Variants in PCDHGA9 observed in about 807,000 individuals in gnomAD.
PCDHGA9 encodes protocadherin gamma-A9.
A neutral mutation model predicts 62.5 loss-of-function variants in PCDHGA9; 37 were observed. The ratio of observed to expected loss-of-function variants is 0.59; its 90% CI spans 0.46 to 0.78. The LOEUF (loss-of-function observed/expected upper bound fraction) is 0.78. Among genes scored for constraint, PCDHGA9 ranks in the 30% least tolerant of loss-of-function variants. The pLI is 0.00. For missense variants in PCDHGA9, 1,138 were observed against 1,166.2 expected (o/e 0.98, Z 0.35); for synonymous variants, 459 against 484.6 (o/e 0.95, Z 0.69).
At chr5:141,446,822 A>G (rs976227044) in intron 1 of PCDHGA9, among the ~76,000 whole-genome samples, 1 of 152,206 alleles carries the variant, frequency 6.6e-6, no homozygotes, top group African/African-American at 2.4e-5. Flanking sequence ...TCAGATGGGT[A>G]GATCCTTATA....
Position 141,491,574 on chromosome 5 carries a change from T to G in PCDHGA9, c.2425-3233T>G. Reference sequence around the variant, plus strand: ...AGAGCCACTGCTACAGGACGTGCTTTTCACCGGCCTCGGACGGCAGTGACT... The same window carrying G: ...AGAGCCACTGCTACAGGACGTGCTTGTCACCGGCCTCGGACGGCAGTGACT... On this transcript the variant is annotated intron_variant, in intron 1 of 3. Transcript: ENST00000573521. This position sits in a 1 kb window ranked among gnomAD's most constrained non-coding sequence, Gnocchi z 6.9. The G allele has an allele frequency of 6.2e-7, 1 of 1,613,956 alleles. No homozygotes were observed. Among genetic ancestry groups the G allele is most frequent in the Non-Finnish European group, 8.5e-7 (1 of 1,180,032 alleles).
intron 1 of PCDHGA9, chr5:141,478,531 C>A (rs771145308): frequency 8.1e-6 from 13 of 1,608,072 alleles, no homozygotes; most frequent in Admixed American, 5.1e-5. Context: ...GTGCAGAGAG[C>A]GCCCCTCCCG....
In PCDHGA9 at chr5:141,486,661, G is replaced by T. The variant is rs373446844; in HGVS notation, c.2425-8146G>T. ...CGCTTATCTCCTACTCACTCCTGGA[G>T]CCCAGGAATCGAGATGTATCAGCTT... is the stretch of plus-strand genomic sequence containing the variant. On this transcript the variant is annotated intron_variant, in intron 1 of 3. Transcript: ENST00000573521. The surrounding 1 kb of genome is among the most constrained non-coding windows in gnomAD (Gnocchi z 5.0). 6.2e-6 allele frequency: 10 copies of T among 1,613,836 alleles called. No individual in the cohort carries two copies. Among genetic ancestry groups the T allele is most frequent in the African/African-American group, 4.0e-5 (3 of 74,918 alleles).
rs767108870 is a variant in PCDHGA9 at position 141,485,169 on chromosome 5, C to T, written c.2425-9638C>T. On this transcript the variant is annotated intron_variant, in intron 1 of 3. Transcript: ENST00000573521. This position sits in a 1 kb window ranked among gnomAD's most constrained non-coding sequence, Gnocchi z 5.7. ...GAGCAAGTAGAGAATTAGCGGGCGG[C>T]AGCAATGCTCCGCAAGGTGAGAAGC... The T allele has an allele frequency of 6.2e-7, 1 of 1,608,524 alleles. No homozygotes were observed. Among genetic ancestry groups the T allele is most frequent in the South Asian group, 1.1e-5 (1 of 90,730 alleles).
chr5:141,486,673 A>G lies in PCDHGA9; in HGVS notation c.2425-8134A>G. On this transcript the variant is annotated intron_variant, in intron 1 of 3. Transcript: ENST00000573521. The surrounding 1 kb of genome is among the most constrained non-coding windows in gnomAD (Gnocchi z 5.0). ...ACTCACTCCTGGAGCCCAGGAATCG[A>G]GATGTATCAGCTTCCTCTTTCATCT... The G allele has an allele frequency of 6.2e-7, 1 of 1,614,014 alleles. No homozygotes were observed. The highest frequency in any genetic ancestry group is 2.2e-5 in the East Asian group (1 of 44,866).
At chr5:141,468,737 G>A (rs1288031024) in intron 1 of PCDHGA9, among the ~76,000 whole-genome samples, 1 of 151,948 alleles carries the variant, frequency 6.6e-6, no homozygotes, top group African/African-American at 2.4e-5. Context: ...GTGGTGGCGG[G>A]TGCCTGTAGT....
Position 141,404,230 on chromosome 5 carries a change from C to T in PCDHGA9, c.1278C>T (p.Asp426=). The T allele has an allele frequency of 6.2e-7, 1 of 1,613,836 alleles. No individual in the cohort carries two copies. The highest frequency in any genetic ancestry group is 8.5e-7 in the Non-Finnish European group (1 of 1,179,818). The stretch of plus-strand genomic sequence containing the variant: ...ATAATATCACGGTGACTGCAACAGA[C>T]AGAGGAACTCCGCCCCTGTCCACAG... The part of the protein sequence containing the change: ...SEYNITVTAT[D]RGTPPLSTEI... The change falls in exon 1 of 4, where the codon GAC becomes GAT. Residue 426 remains aspartate, a synonymous_variant. Transcript: ENST00000573521.
At chr5:141,497,904 A>G (rs939422338) in intron 2 of PCDHGA9, among the ~76,000 whole-genome samples, 2 of 152,136 alleles carry the variant, frequency 1.3e-5, no homozygotes, top group African/African-American at 2.4e-5. Context: ...AGTAACTTCA[A>G]CTTCTCTCCT....
Position 141,489,900 on chromosome 5 carries a change from A to T in PCDHGA9, c.2425-4907A>T. ...TTACTGCTGTGGATGGGGGGACCCC[A>T]GCCCGCTCAGGGACCACCCTTATCT... On this transcript the variant is annotated intron_variant, in intron 1 of 3. Coordinates refer to ENST00000573521, the MANE Select transcript of PCDHGA9 (RefSeq NM_018921.3). This position sits in a 1 kb window ranked among gnomAD's most constrained non-coding sequence, Gnocchi z 4.5. The T allele has an allele frequency of 6.2e-7, 1 of 1,614,254 alleles. No homozygotes were observed. The highest frequency in any genetic ancestry group is 8.5e-7 in the Non-Finnish European group (1 of 1,180,044).
At chr5:141,428,540 C>T (rs1561836755) in intron 1 of PCDHGA9, 6 of 268,146 alleles carry the variant, frequency 2.2e-5, no homozygotes, top group South Asian at 8.6e-5. Context: ...CTCACCATGA[C>T]ACCAGAAACA....
intron 1 of PCDHGA9, chr5:141,427,983 C>T (rs1390934748): frequency 1.3e-6 from 2 of 1,596,840 alleles, no homozygotes; most frequent in Admixed American, 1.7e-5. Flanking sequence ...CGCGCTGGGG[C>T]CCGATGGCTC....
At position 141,431,994 on chromosome 5, in the gene PCDHGA9, G is replaced by C; in HGVS notation, c.2424+26618G>C. ...TTAGTCACAGACATAGTCTTGGATA[G>C]GGAACAGGTTCCTAGCTACAACATC... is the stretch of plus-strand genomic sequence containing the variant. On this transcript the variant is annotated intron_variant, in intron 1 of 3. Coordinates refer to ENST00000573521, the MANE Select transcript of PCDHGA9 (RefSeq NM_018921.3). The surrounding 1 kb of genome is among the most constrained non-coding windows in gnomAD (Gnocchi z 4.8). 1.9e-6 allele frequency: 3 copies of C among 1,614,188 alleles called. 1 individual carries two copies. The highest frequency in any genetic ancestry group is 2.2e-5 in the South Asian group (2 of 91,082).
chr5:141,463,480 G>A (rs964539275), intron 1 of PCDHGA9, among the ~76,000 whole-genome samples: 3 of 114,320 alleles, frequency 2.6e-5, no homozygotes, highest in African/African-American at 1.1e-4. Context: ...ATGGAGTCTC[G>A]CTCTGTCACC....
chr5:141,403,495 C>A lies in PCDHGA9; in HGVS notation c.543C>A (p.Asn181Lys). The change falls in exon 1 of 4, where the codon AAC (asparagine) becomes AAA (lysine). Residue 181 changes from asparagine (N) to lysine (K), a missense_variant. Coordinates refer to ENST00000573521, the MANE Select transcript of PCDHGA9 (RefSeq NM_018921.3). ...QLSPNHHFSL[N>K]VQTGDNGAIN... The stretch of plus-strand genomic sequence containing the variant: ...GCCCCAATCACCACTTCTCCCTGAA[C>A]GTGCAGACTGGAGACAATGGAGCCA... The A allele has an allele frequency of 6.2e-7, 1 of 1,614,014 alleles. No individual in the cohort carries two copies. The highest frequency in any genetic ancestry group is 8.5e-7 in the Non-Finnish European group (1 of 1,179,894).
chr5:141,510,958 G>A lies in PCDHGA9; in HGVS notation c.2584G>A (p.Gly862Arg). 6.2e-7 allele frequency: 1 copy of A among 1,614,130 alleles called. No homozygotes were observed. Among genetic ancestry groups the A allele is most frequent in the Non-Finnish European group, 8.5e-7 (1 of 1,180,012 alleles). The change falls in exon 4 of 4, where the codon GGG becomes AGG. Residue 862 changes from glycine to arginine, a missense_variant. Transcript: ENST00000573521. The stretch of plus-strand genomic sequence containing the variant: ...CTCTGTCTCTGCAGAAGCTGCTGAT[G>A]GGAGCTCCACCCTGGGAGGGGGTGC... ...ILASASEAAD[G>R]SSTLGGGAGT...
chr5:141,494,759 C>A (rs776923097), intron 1 of PCDHGA9, 48 bp from the exon 2 acceptor site: 3 of 1,613,886 alleles, frequency 1.9e-6, no homozygotes, highest in Non-Finnish European at 2.5e-6. Context: ...GGGTGACATT[C>A]TAACTTCTCA....
chr5:141,424,052 G>A, intron 1 of PCDHGA9: 1 of 1,012,010 alleles, frequency 9.9e-7, no homozygotes, highest in South Asian at 4.7e-5. Flanking sequence ...CAATTTTGCT[G>A]TGCCTTCACT....
At chr5:141,408,953 CTT>C in intron 1 of PCDHGA9, 1 of 1,613,552 alleles carries the variant, frequency 6.2e-7, no homozygotes, top group Non-Finnish European at 8.5e-7. Context: ...TAGAATTAGT[CTT>C]AGTGAAAATC....
chr5:141,415,487 A>C, intron 1 of PCDHGA9: 1 of 1,614,170 alleles, frequency 6.2e-7, no homozygotes, highest in Non-Finnish European at 8.5e-7. Context: ...CGAAAGAGTC[A>C]CCTGATCTTC....
Sources: gnomAD v4.1 joint callset for allele counts (sites outside exome capture counted in the v4.1 genomes callset) on GRCh38, gnomAD v4.1.1 for gene constraint, Gnocchi (gnomAD v3.1) non-coding constraint, MANE v1.5 for transcripts, NCBI Gene and HGNC (gene_info 2026-07-23, HGNC 2026-07-21) for gene names.